Variants in FBLN1 observed in about 807,000 individuals in gnomAD.
The protein encoded by FBLN1 is fibulin-1.
A neutral mutation model predicts 89.7 loss-of-function variants in FBLN1; 34 were observed. The observed-to-expected ratio is 0.38, with a 90% CI of 0.29 to 0.50. The LOEUF (loss-of-function observed/expected upper bound fraction) is 0.50, where lower values mean the gene tolerates loss of function less well. Ranked by LOEUF, FBLN1 falls within the 20% of genes least tolerant of loss-of-function variation. FBLN1 has a pLI of 0.92. For missense variants in FBLN1, 777 were observed against 988.1 expected, an observed-to-expected ratio of 0.79 and a Z score of 2.86; for synonymous variants, 393 against 391.3, an observed-to-expected ratio of 1.00 and a Z score of -0.05.
chr22:45,525,340 C>T (rs542367095), intron 2 of FBLN1, among the ~76,000 whole-genome samples: 4 of 152,378 alleles, frequency 2.6e-5, no homozygotes, highest in South Asian at 4.1e-4. Flanking sequence ...CTGGTGTGAA[C>T]CACTGTGCCC....
At chr22:45,503,893 C>G (rs2087982718) in intron 1 of FBLN1, among the ~76,000 whole-genome samples, 1 of 152,192 alleles carries the variant, frequency 6.6e-6, no homozygotes, top group Non-Finnish European at 1.5e-5. Context: ...TTTCTCCCCT[C>G]TAACCCTCAA....
At chr22:45,528,243 C>T (rs914854549) in intron 4 of FBLN1, among the ~76,000 whole-genome samples, 6 of 152,190 alleles carry the variant, frequency 3.9e-5, no homozygotes, top group African/African-American at 1.4e-4. Context: ...CCCGGGGAGG[C>T]CAGTCTTTTT....
rs1332697019 is a variant in FBLN1, at chr22:45,556,878, G to C, written c.1697+6263G>C. On this transcript the variant is annotated intron_variant, in intron 14 of 16. Coordinates refer to ENST00000327858, the MANE Select transcript of FBLN1 (RefSeq NM_006486.3). This position sits in a 1 kb window ranked among gnomAD's most constrained non-coding sequence, Gnocchi z 4.6. ...ACAGGAAGCAAAAATTTTGCTAGTG[G>C]ATCACTAGGGGTGATGGTGAGTGGT... Among the ~76,000 whole-genome samples the C allele has an allele frequency of 2.0e-5, 3 of 152,148 alleles. No individual in the cohort carries two copies. Among genetic ancestry groups the C allele is most frequent in the Non-Finnish European group, 4.4e-5 (3 of 68,014 alleles).
intron 2 of FBLN1, chr22:45,523,247 C>A (rs1169818382): frequency 2.7e-6 from 2 of 736,848 alleles, no homozygotes; most frequent in Non-Finnish European, 5.1e-6. Context: ...GTGGAGCCAG[C>A]AACGGCCAGT....
chr22:45,521,510 G>C (rs1279973594), intron 2 of FBLN1, among the ~76,000 whole-genome samples: 3 of 152,236 alleles, frequency 2.0e-5, no homozygotes, highest in Admixed American at 2.0e-4. Flanking sequence ...TCACTGCCCT[G>C]TGGCCCCAGG....
chr22:45,511,614 T>C (rs894852831), intron 1 of FBLN1, among the ~76,000 whole-genome samples: 1 of 151,926 alleles, frequency 6.6e-6, no homozygotes, highest in Non-Finnish European at 1.5e-5. Flanking sequence ...GCCCAGCTAA[T>C]TTTTGTATTT....
intron 2 of FBLN1, among the ~76,000 whole-genome samples, chr22:45,525,103 G>C (rs1415511110): frequency 7.4e-6 from 1 of 134,642 alleles, no homozygotes; most frequent in Non-Finnish European, 1.6e-5. Context: ...GAGAGAAAGG[G>C]AAAGAGAGAG....
At position 45,568,790 on chromosome 22, in the gene FBLN1, AGGGAATGCCTCTTCTGTAG is replaced by A. The variant is rs1569260439; in HGVS notation, c.1698-5712_1698-5694del. Among the ~76,000 whole-genome samples, 45 of 22,814 alleles carry A rather than the reference AGGGAATGCCTCTTCTGTAG, an allele frequency of 2.0e-3. 11 individuals are homozygous for A. Among genetic ancestry groups the A allele is most frequent in the African/African-American group, 7.6e-3 (34 of 4,476 alleles). 15.0% of individuals were successfully genotyped at this position (22,814 alleles called of 152,430 possible). ...TCTGTAAGGGAATGCTCCTCCTGTA[AGGGAATGCCTCTTCTGTAG>A]GGGAATGCTCCTCCTGTAAGGGAAT... On this transcript the variant is annotated intron_variant, in intron 14 of 16. Coordinates refer to ENST00000327858, the MANE Select transcript of FBLN1 (RefSeq NM_006486.3).
chr22:45,535,374 A>T, intron 8 of FBLN1, 37 bp downstream of exon 8: 1 of 1,612,780 alleles, frequency 6.2e-7, no homozygotes, highest in Non-Finnish European at 8.5e-7. Context: ...GGGTTATTCC[A>T]GGAGGGGCCA....
In FBLN1 at chr22:45,583,787, T is replaced by TGA. The variant is rs534450255; in HGVS notation, c.1972+6692_1972+6693dup. Among the ~76,000 whole-genome samples the TGA allele has an allele frequency of 1.3e-5, 2 of 151,040 alleles. No individual in the cohort carries two copies. The highest frequency in any genetic ancestry group is 1.3e-4 in the Admixed American group (2 of 15,168). On this transcript the variant is annotated intron_variant, in intron 16 of 16. Transcript: ENST00000327858. The surrounding 1 kb of genome is among the most constrained non-coding windows in gnomAD (Gnocchi z 4.5). ...ATGGGAAGGGGAAGCGCCTGCAGCA[T>TGA]GAGAGAGAGAGAGAATGAGAGAGAG...
At chr22:45,571,111 C>CAAAAAAAAAAAAAAAAA (rs542647353) in intron 14 of FBLN1, among the ~76,000 whole-genome samples, 8 of 70,854 alleles carry the variant, frequency 1.1e-4, no homozygotes, top group Admixed American at 3.6e-4. Context: ...ACAAGAGTCT[C>CAAAAAAAAAAAAAAAAA]AAAAAAAAAA....
rs905194951 is a variant in FBLN1 at position 45,545,543 on chromosome 22, A to G, written c.1322-1542A>G. Among the ~76,000 whole-genome samples the G allele has an allele frequency of 6.6e-6, 1 of 152,218 alleles. No individual in the cohort carries two copies. Among genetic ancestry groups the G allele is most frequent in the Non-Finnish European group, 1.5e-5 (1 of 68,040 alleles). On this transcript the variant is annotated intron_variant, in intron 11 of 16. Transcript: ENST00000327858. This position sits in a 1 kb window ranked among gnomAD's most constrained non-coding sequence, Gnocchi z 5.9. ...CACATTAGTGGACAATATTGTGGAT[A>G]TAGAACCAGAGCCTGGCCAACCTTG...
chr22:45,515,214 C>T (rs1313793256), intron 1 of FBLN1, among the ~76,000 whole-genome samples: 1 of 152,182 alleles, frequency 6.6e-6, no homozygotes, highest in Non-Finnish European at 1.5e-5. Context: ...TGGGTCCCCT[C>T]CCCATGCCTC....
rs546888330 is a variant in FBLN1 at position 45,591,657 on chromosome 22, C to A, written c.1973-8650C>A. ...CGTTTCTCAGCCAAGCAGAGAAGAC[C>A]AGGTTTCGGGAGCTCAGTCCCTTCA... On this transcript the variant is annotated intron_variant, in intron 16 of 16. Transcript: ENST00000327858. Among the ~76,000 whole-genome samples the A allele has an allele frequency of 3.9e-4, 60 of 152,276 alleles. 1 individual carries two copies. In the East Asian group the frequency reaches 0.011, roughly 28 times the overall value.
At chr22:45,586,704 G>A (rs868719924) in intron 16 of FBLN1, among the ~76,000 whole-genome samples, 1 of 152,336 alleles carries the variant, frequency 6.6e-6, no homozygotes, top group South Asian at 2.1e-4. Flanking sequence ...AGACAGGGAC[G>A]CACACTGAGC....
chr22:45,565,074 T>A, intron 14 of FBLN1: 1 of 1,595,444 alleles, frequency 6.3e-7, no homozygotes, highest in East Asian at 2.3e-5. Flanking sequence ...GCATGAGCCC[T>A]TTTCCCCACG....
At chr22:45,543,232 A>C (rs568643927) in intron 10 of FBLN1, among the ~76,000 whole-genome samples, 169 bp from the exon 11 acceptor site, 2 of 152,198 alleles carry the variant, frequency 1.3e-5, no homozygotes, top group South Asian at 2.1e-4. Flanking sequence ...TGCCACTGCA[A>C]TCCAGCCTAG....
chr22:45,510,612 C>T (rs1258252191), intron 1 of FBLN1, among the ~76,000 whole-genome samples: 3 of 152,064 alleles, frequency 2.0e-5, no homozygotes, highest in Admixed American at 2.0e-4. Flanking sequence ...AAAGCTTCTG[C>T]GATGTTTACA....
intron 14 of FBLN1, chr22:45,558,025 C>T (rs2088810248): frequency 1.4e-6 from 1 of 714,786 alleles, no homozygotes; most frequent in East Asian, 2.7e-5. Context: ...GCATATCGTG[C>T]AGAATGATCT....
Sources: gnomAD v4.1 joint callset for allele counts (sites outside exome capture counted in the v4.1 genomes callset) on GRCh38, gnomAD v4.1.1 for gene constraint, Gnocchi (gnomAD v3.1) non-coding constraint, MANE v1.5 for transcripts, NCBI Gene and HGNC (gene_info 2026-07-23, HGNC 2026-07-21) for gene names.